DMD: variants seen among roughly 807,000 people sequenced by gnomAD.
DMD encodes the protein mutant dystrophin.
In DMD, 63 loss-of-function variants were observed where a neutral mutation model predicts 330.1. The ratio of observed to expected loss-of-function variants is 0.19; its 90% CI spans 0.16 to 0.24. The LOEUF (loss-of-function observed/expected upper bound fraction) is 0.24, where lower values mean the gene tolerates loss of function less well. Among genes scored for constraint, DMD ranks in the 10% least tolerant of loss-of-function variants. The probability of loss-of-function intolerance (pLI) is 1.00; values close to 1 mark genes in which losing one functional copy is unlikely to be tolerated. For synonymous variants in DMD, 1,223 were observed against 959.8 expected (o/e 1.27, Z -5.07); for missense variants, 3,344 against 2,684.1 (o/e 1.25, Z -5.43).
chrX:32,054,071 A>ATGTG (rs746629793), intron 44 of DMD, among the ~76,000 whole-genome samples: 1 of 75,106 alleles, frequency 1.3e-5, no homozygotes, highest in Non-Finnish European at 2.6e-5. Flanking sequence ...TATGTGGGGT[A>ATGTG]TGTGTGTGTG....
intron 4 of DMD, among the ~76,000 whole-genome samples, chrX:32,830,404 A>C (rs1336265593): frequency 9.0e-6 from 1 of 111,491 alleles, no homozygotes; most frequent in African/African-American, 3.2e-5. Flanking sequence ...ATCTGTGTGA[A>C]GTGAATGATT....
intron 7 of DMD, among the ~76,000 whole-genome samples, chrX:32,782,543 A>G (rs933210023): frequency 1.8e-5 from 2 of 111,340 alleles, no homozygotes; most frequent in Non-Finnish European, 3.8e-5. Flanking sequence ...AGGGCCAGTC[A>G]TTGTCAAGTT....
intron 60 of DMD, among the ~76,000 whole-genome samples, chrX:31,357,105 ACAT>A (rs1395296608): frequency 6.3e-5 from 7 of 111,148 alleles, no homozygotes; most frequent in African/African-American, 2.3e-4. Flanking sequence ...TCACCTTACA[ACAT>A]CATTACATTA....
intron 64 of DMD, among the ~76,000 whole-genome samples, chrX:31,214,931 TTTTTTC>T (rs1211382884): frequency 6.1e-4 from 27 of 44,420 alleles, no homozygotes; most frequent in African/African-American, 2.3e-3. Flanking sequence ...TTTTTATTTC[TTTTTTC>T]TTTTTTTTTT....
chrX:32,980,182 G>A (rs148217595), intron 2 of DMD, among the ~76,000 whole-genome samples: 1,848 of 108,716 alleles, frequency 0.017, 45 homozygotes, highest in African/African-American at 0.058. Flanking sequence ...CCTGGCCAAC[G>A]TGGTGAAACT....
chrX:32,298,514 C>CATATATATATAT lies in DMD; in HGVS notation c.6118-10825_6118-10814dup, dbSNP rs57786574. Among the ~76,000 whole-genome samples, 448 of 104,508 alleles carry CATATATATATAT rather than the reference C, an allele frequency of 4.3e-3. 19 individuals are homozygous for CATATATATATAT. Among genetic ancestry groups the CATATATATATAT allele is most frequent in the African/African-American group, 0.016 (422 of 26,184 alleles). 90.8% of individuals were successfully genotyped at this position (104,508 alleles called of 115,157 possible). ...TACTTCTAAGTGAATATATAAAAGGCATATATATATATGTCATGATTCAGG... is the reference window on the plus strand; with the variant it reads ...TACTTCTAAGTGAATATATAAAAGGCATATATATATATATATATATATATGTCATGATTCAGG... On this transcript the variant is annotated intron_variant, in intron 42 of 78. Coordinates refer to ENST00000357033, the MANE Select transcript of DMD (RefSeq NM_004006.3).
At chrX:32,798,749 AT>A (rs1406817929) in intron 7 of DMD, among the ~76,000 whole-genome samples, 1 of 111,996 alleles carries the variant, frequency 8.9e-6, no homozygotes, top group Non-Finnish European at 1.9e-5. Context: ...TTGCAATCGC[AT>A]TAGATTTTCT....
At chrX:32,888,732 A>G (rs2149247647) in intron 2 of DMD, among the ~76,000 whole-genome samples, 1 of 112,199 alleles carries the variant, frequency 8.9e-6, no homozygotes, top group East Asian at 2.8e-4. Context: ...GGCAGTATTC[A>G]CATTAGACAA....
intron 2 of DMD, among the ~76,000 whole-genome samples, chrX:33,009,585 T>A (rs773162370): frequency 3.8e-4 from 25 of 65,739 alleles, no homozygotes; most frequent in Non-Finnish European, 4.4e-4. Context: ...TACACATATG[T>A]GTGTATGTGT....
chrX:31,402,175 G>A (rs2061220896), intron 60 of DMD, among the ~76,000 whole-genome samples: 1 of 111,522 alleles, frequency 9.0e-6, no homozygotes, highest in Non-Finnish European at 1.9e-5. Context: ...GGGCAGGGAG[G>A]GACTGGAATA....
intron 52 of DMD, among the ~76,000 whole-genome samples, chrX:31,710,213 C>T (rs1365823153): frequency 1.8e-5 from 2 of 111,520 alleles, no homozygotes; most frequent in Non-Finnish European, 3.8e-5. Context: ...TAACAGGTAG[C>T]AATGTCATTA....
intron 2 of DMD, among the ~76,000 whole-genome samples, chrX:32,973,716 A>G (rs1049586420): frequency 2.7e-5 from 3 of 111,854 alleles, no homozygotes; most frequent in African/African-American, 9.7e-5. Flanking sequence ...TGAATTTATT[A>G]CTCACAGCAT....
chrX:32,741,238 A>G (rs1170163625), intron 7 of DMD, among the ~76,000 whole-genome samples: 1 of 111,576 alleles, frequency 9.0e-6, no homozygotes, highest in Non-Finnish European at 1.9e-5. Context: ...GCGATGTGAT[A>G]AAGAATCATG....
chrX:32,056,460 G>A (rs1348685849), intron 44 of DMD, among the ~76,000 whole-genome samples: 1 of 107,177 alleles, frequency 9.3e-6, no homozygotes, highest in Non-Finnish European at 1.9e-5. Context: ...CATTACAACT[G>A]GTATCCAAAA....
chrX:32,464,446 A>C (rs761904745), intron 24 of DMD, 140 bp downstream of exon 24: 6 of 492,907 alleles, frequency 1.2e-5, no homozygotes, highest in Non-Finnish European at 2.1e-5. Context: ...CAGCTGTGAC[A>C]ATCAAAAACG....
At chrX:32,738,044 G>C (rs925391677) in intron 7 of DMD, among the ~76,000 whole-genome samples, 1 of 111,757 alleles carries the variant, frequency 8.9e-6, no homozygotes, top group East Asian at 2.8e-4. Flanking sequence ...AAAGCCTATA[G>C]ACATACAGGA....
chrX:32,231,316 AAAGT>A (rs1233626192), intron 43 of DMD, among the ~76,000 whole-genome samples: 1 of 112,368 alleles, frequency 8.9e-6, no homozygotes. Flanking sequence ...TATCTTCCCA[AAAGT>A]ATGGTGAGAA....
intron 30 of DMD, among the ~76,000 whole-genome samples, chrX:32,395,392 A>G (rs972130298): frequency 1.0e-5 from 1 of 96,479 alleles, no homozygotes; most frequent in African/African-American, 3.8e-5. Flanking sequence ...ATGTAATAGA[A>G]AAACTAACAT....
intron 17 of DMD, among the ~76,000 whole-genome samples, 156 bp from the exon 18 acceptor site, chrX:32,518,287 G>A (rs767718645): frequency 9.0e-6 from 1 of 110,698 alleles, no homozygotes; most frequent in East Asian, 2.8e-4. Context: ...TTCCCTGTTA[G>A]GTAGACTCAA....
Sources: allele counts gnomAD v4.1 joint callset (sites outside exome capture counted in the v4.1 genomes callset), GRCh38; gene constraint gnomAD v4.1.1; transcripts MANE v1.5; gene names NCBI Gene and HGNC (gene_info 2026-07-23, HGNC 2026-07-21).